SLC24A2: variants seen among roughly 807,000 people sequenced by gnomAD.
The protein encoded by SLC24A2 is sodium/potassium/calcium exchanger 2.
A neutral mutation model predicts 62.0 loss-of-function variants in SLC24A2; 36 were observed. The observed-to-expected ratio is 0.58, with a 90% confidence interval of 0.44 to 0.77. The LOEUF is 0.77. Among genes scored for constraint, SLC24A2 ranks in the 30% least tolerant of loss-of-function variants. The pLI is 0.00. For missense variants in SLC24A2, 846 were observed against 817.9 expected, an observed-to-expected ratio of 1.03 and a Z score of -0.42; for synonymous variants, 358 against 294.0, an observed-to-expected ratio of 1.22 and a Z score of -2.23.
the SLC24A2 span, among the ~76,000 whole-genome samples, chr9:20,043,277 T>G: frequency 0.014 from 2,072 of 152,316 alleles, 51 homozygotes; most frequent in African/African-American, 0.048. Context: ...ACAAACTTAT[T>G]ACCTATATGG....
chr9:19,801,270 G>A, the SLC24A2 span, among the ~76,000 whole-genome samples: 4 of 152,338 alleles, frequency 2.6e-5, no homozygotes, highest in South Asian at 2.1e-4. Context: ...TGTTCAGCTC[G>A]ATTAGGATGA....
the SLC24A2 span, among the ~76,000 whole-genome samples, chr9:19,962,338 G>A: frequency 6.6e-6 from 1 of 152,168 alleles, no homozygotes; most frequent in African/African-American, 2.4e-5. Context: ...GATTGACTTG[G>A]CGATGCGGGC....
chr9:19,916,981 G>GTTTTTTTTTTTTT, the SLC24A2 span, among the ~76,000 whole-genome samples: 1 of 72,014 alleles, frequency 1.4e-5, no homozygotes, highest in Non-Finnish European at 2.5e-5. Flanking sequence ...TAACTTACCT[G>GTTTTTTTTTTTTT]TTTTTTTTTT....
At chr9:19,839,921 C>A in the SLC24A2 span, among the ~76,000 whole-genome samples, 1 of 152,140 alleles carries the variant, frequency 6.6e-6, no homozygotes, top group Non-Finnish European at 1.5e-5. Context: ...AAGCAATAGG[C>A]TATACCATAT....
At chr9:20,118,425 T>G in the SLC24A2 span, among the ~76,000 whole-genome samples, 1 of 151,868 alleles carries the variant, frequency 6.6e-6, no homozygotes, top group East Asian at 1.9e-4. Context: ...AAAAAAGACA[T>G]AAATGAATAA....
At chr9:20,140,387 C>A in the SLC24A2 span, among the ~76,000 whole-genome samples, 1 of 152,082 alleles carries the variant, frequency 6.6e-6, no homozygotes, top group Non-Finnish European at 1.5e-5. Flanking sequence ...GATTTGGGTG[C>A]CTGCTGCAGT....
chr9:19,856,007 T>A, the SLC24A2 span, among the ~76,000 whole-genome samples: 1 of 152,192 alleles, frequency 6.6e-6, no homozygotes, highest in South Asian at 2.1e-4. Context: ...TTCTCTAGTC[T>A]CGTTTGCCTG....
the SLC24A2 span, among the ~76,000 whole-genome samples, chr9:20,027,412 A>T: frequency 6.6e-6 from 1 of 152,236 alleles, no homozygotes; most frequent in Non-Finnish European, 1.5e-5. Flanking sequence ...GTGTCAATCA[A>T]CAGATGAGTG....
chr9:19,637,379 C>A (rs532724727), intron 2 of SLC24A2, among the ~76,000 whole-genome samples: 1 of 152,112 alleles, frequency 6.6e-6, no homozygotes, highest in Non-Finnish European at 1.5e-5. Flanking sequence ...AACTGTTGCC[C>A]GACTGTGTTT....
At chr9:20,241,836 G>C in the SLC24A2 span, among the ~76,000 whole-genome samples, 765 of 152,202 alleles carry the variant, frequency 5.0e-3, 6 homozygotes, top group African/African-American at 0.018. Flanking sequence ...GAGGAGCAGA[G>C]ATGCAAGACA....
At chr9:19,532,640 G>A (rs147835297) in intron 8 of SLC24A2, among the ~76,000 whole-genome samples, 2 of 152,200 alleles carry the variant, frequency 1.3e-5, no homozygotes, top group South Asian at 4.1e-4. Flanking sequence ...GAACATGACT[G>A]TGAAGACCTG....
chr9:19,881,243 T>C, the SLC24A2 span, among the ~76,000 whole-genome samples: 1 of 151,934 alleles, frequency 6.6e-6, no homozygotes, highest in African/African-American at 2.4e-5. Flanking sequence ...ATTTAGATTG[T>C]AGGAGGAGGG....
chr9:20,160,915 G>A, the SLC24A2 span, among the ~76,000 whole-genome samples: 1 of 150,324 alleles, frequency 6.7e-6, no homozygotes, highest in Admixed American at 6.6e-5. Flanking sequence ...GCATAAAGCA[G>A]AAAACCTATA....
intron 4 of SLC24A2, among the ~76,000 whole-genome samples, chr9:19,600,308 A>G (rs1396105070): frequency 1.3e-5 from 2 of 152,062 alleles, no homozygotes; most frequent in African/African-American, 4.8e-5. Flanking sequence ...CCCATGACCA[A>G]TTTTCTCCCT....
the SLC24A2 span, among the ~76,000 whole-genome samples, chr9:20,104,033 C>G: frequency 2.0e-5 from 3 of 152,076 alleles, no homozygotes; most frequent in Non-Finnish European, 2.9e-5. Context: ...AGCCAAGGCT[C>G]AAGAACTACA....
chr9:19,813,800 A>G, the SLC24A2 span, among the ~76,000 whole-genome samples: 3 of 152,140 alleles, frequency 2.0e-5, no homozygotes, highest in East Asian at 1.9e-4. Flanking sequence ...TAAAGAGACC[A>G]TAAAGAGCTA....
chr9:20,249,296 C>A, the SLC24A2 span, among the ~76,000 whole-genome samples: 1 of 152,170 alleles, frequency 6.6e-6, no homozygotes, highest in Non-Finnish European at 1.5e-5. Flanking sequence ...ACAGCTCTGC[C>A]ATTGTATAAC....
chr9:20,204,335 T>A, the SLC24A2 span, among the ~76,000 whole-genome samples: 2 of 152,334 alleles, frequency 1.3e-5, 1 homozygote, highest in South Asian at 4.1e-4. Flanking sequence ...AGAGACTGCG[T>A]TGCCACGTCT....
chr9:19,619,497 C>T (rs113120908), intron 4 of SLC24A2, 87 bp downstream of exon 4: 551 of 1,071,598 alleles, frequency 5.1e-4, no homozygotes, highest in Non-Finnish European at 7.2e-4. Flanking sequence ...GCGTGCATGA[C>T]GACAGCACAA....
Sources: gnomAD v4.1 joint callset for allele counts (sites outside exome capture counted in the v4.1 genomes callset) on GRCh38, gnomAD v4.1.1 for gene constraint, MANE v1.5 for transcripts, NCBI Gene and HGNC (gene_info 2026-07-23, HGNC 2026-07-21) for gene names.